Variants in MUC6 observed in about 807,000 individuals in gnomAD.
MUC6 encodes the protein mucin 6, oligomeric mucus/gel-forming (gene/pseudogene).
A neutral mutation model predicts 201.5 loss-of-function variants in MUC6; 188 were observed. The ratio of observed to expected loss-of-function variants is 0.93; its 90% CI spans 0.83 to 1.05. The LOEUF is 1.05. Among genes scored for constraint, MUC6 ranks in the 50% least tolerant of loss-of-function variants. The pLI, the probability that MUC6 is intolerant of heterozygous loss-of-function variation, is 0.00. For synonymous variants in MUC6, 1,228 were observed against 1,389.4 expected (o/e 0.88, Z 2.58); for missense variants, 2,706 against 3,256.9 (o/e 0.83, Z 4.12).
chr11:1,034,248 G>A (rs1271142900), intron 1 of MUC6, among the ~76,000 whole-genome samples: 1 of 152,204 alleles, frequency 6.6e-6, no homozygotes, highest in Non-Finnish European at 1.5e-5. Context: ...GGCTATGTGG[G>A]ACACATATTT....
At chr11:1,030,802 A>C (rs1447018873) in intron 6 of MUC6, 22 bp from the exon 7 acceptor site, 5 of 1,533,570 alleles carry the variant, frequency 3.3e-6, no homozygotes, top group Non-Finnish European at 3.5e-6. Context: ...ACTCAGGGTC[A>C]TGGGGGCAAA....
Position 1,033,334 on chromosome 11 carries a change from C to G in MUC6, c.53-259G>C. On this transcript the variant is annotated intron_variant, in intron 1 of 32. Transcript: ENST00000421673. This position sits in a 1 kb window ranked among gnomAD's most constrained non-coding sequence, Gnocchi z 5.6. The stretch of plus-strand genomic sequence containing the variant: ...ACTCAGTCCCAGTTCAGCCGTCAGC[C>G]CCTCGGGGTTCGGCAGATGGCGGGC... 1.8e-6 allele frequency: 1 copy of G among 549,616 alleles called. No homozygotes were observed. The highest frequency in any genetic ancestry group is 3.3e-6 in the Non-Finnish European group (1 of 304,382). 34.0% of individuals were successfully genotyped at this position (549,616 alleles called of 1,614,324 possible).
rs372408870 is a variant in MUC6, at chr11:1,031,841, C to T, written c.328G>A (p.Glu110Lys). ...ELGASVVTVSEAIISVKDIGV... is the reference protein window; with the variant it reads ...ELGASVVTVSKAIISVKDIGV... Reference sequence around the variant, plus strand: ...ATGTCCTTGACTGAGATGATGGCTTCGCTCACAGTGACGACGGAGGCCCCC... The same window carrying T: ...ATGTCCTTGACTGAGATGATGGCTTTGCTCACAGTGACGACGGAGGCCCCC... The change falls in exon 3 of 33, where the codon GAA becomes AAA. Residue 110 changes from glutamate to lysine, a missense_variant. Transcript: ENST00000421673. 52 of 1,611,066 alleles carry T rather than the reference C, an allele frequency of 3.2e-5. No homozygotes were observed. Among genetic ancestry groups the T allele is most frequent in the African/African-American group, 1.9e-4 (14 of 74,882 alleles).
rs77555114 is a variant in MUC6 at position 1,018,032 on chromosome 11, G to A, written c.4769C>T (p.Pro1590Leu). ...TGSSPFSSTG[P>L]MTATSFKTTT... The stretch of plus-strand genomic sequence containing the variant: ...GGTCTTGAAGGATGTTGCCGTCATG[G>A]GACCTGTGGAAGAGAAGGGACTGCT... Residue 1590 changes from proline (P) to leucine (L), a missense_variant, in exon 31 of 33, where the codon CCC becomes CTC. This residue lies in a region of MUC6 where 32 missense variants were observed against 181.6 expected (regional missense o/e 0.18). Coordinates refer to ENST00000421673, the MANE Select transcript of MUC6 (RefSeq NM_005961.3). The A allele has an allele frequency of 1.2e-4, 189 of 1,581,322 alleles. No individual in the cohort carries two copies. In the African/African-American group the frequency reaches 2.7e-3, roughly 22 times the overall value.
intron 22 of MUC6, 78 bp from the exon 23 acceptor site, chr11:1,025,445 A>G (rs1051726946): frequency 7.2e-6 from 11 of 1,517,386 alleles, no homozygotes; most frequent in Admixed American, 1.8e-5. Flanking sequence ...CCGAGCTCTC[A>G]GAGACAGAGC....
chr11:1,036,679 C>A lies in MUC6; in HGVS notation c.-24G>T, dbSNP rs975459858. The A allele has an allele frequency of 6.5e-7, 1 of 1,543,914 alleles. No homozygotes were observed. Among genetic ancestry groups the A allele is most frequent in the Non-Finnish European group, 8.7e-7 (1 of 1,145,858 alleles). On this transcript the variant is annotated 5_prime_UTR_variant, in exon 1 of 33. Coordinates refer to ENST00000421673, the MANE Select transcript of MUC6 (RefSeq NM_005961.3). ...ATGGTGCACAGTGGAGAGGAGCTCG[C>A]GCTGGGCCCGGCAGGCCTGCTGCTG...
intron 31 of MUC6, among the ~76,000 whole-genome samples, chr11:1,015,210 A>G (rs899991943): frequency 3.5e-4 from 3 of 8,652 alleles, no homozygotes; most frequent in African/African-American, 1.8e-3. Flanking sequence ...GCTCACAGGC[A>G]TGGGCCGGGA....
At chr11:1,019,842 A>C in intron 29 of MUC6, 1 of 666,230 alleles carries the variant, frequency 1.5e-6, no homozygotes, top group Non-Finnish European at 2.6e-6. Context: ...GAGGCCCTGC[A>C]GGTCCCACAC....
In MUC6 at chr11:1,020,154, GC is replaced by G; in HGVS notation, c.3743del (p.Ser1248ThrfsTer45). ...PSPSSNHTPA[S>X]PTQTPLLPAT... is the part of the protein sequence containing the mutation. Reference sequence around the variant, plus strand: ...CTGGAAGGAGGGGTGTCTGGGTGGGGCTGGCAGGGGTGTGATTAGAGCTGGG... The same window carrying G: ...CTGGAAGGAGGGGTGTCTGGGTGGGGTGGCAGGGGTGTGATTAGAGCTGGG... On this transcript the variant is annotated frameshift_variant, in exon 29 of 33. Coordinates refer to ENST00000421673, the MANE Select transcript of MUC6 (RefSeq NM_005961.3). LOFTEE classifies it high-confidence loss of function. The G allele has an allele frequency of 1.9e-6, 3 of 1,613,212 alleles. No individual in the cohort carries two copies. Among genetic ancestry groups the G allele is most frequent in the Non-Finnish European group, 2.5e-6 (3 of 1,179,850 alleles).
At position 1,018,771 on chromosome 11, in the gene MUC6, C is replaced by A; in HGVS notation, c.4031-1G>T. Reference sequence around the variant, plus strand: ...GGCAGTTCCTGATTGGTCGATTTTGCTGTGGGAATTGGTGAAGTTGTCATC... The same window carrying A: ...GGCAGTTCCTGATTGGTCGATTTTGATGTGGGAATTGGTGAAGTTGTCATC... On this transcript the variant is annotated splice_acceptor_variant, in intron 30 of 32. Coordinates refer to ENST00000421673, the MANE Select transcript of MUC6 (RefSeq NM_005961.3). LOFTEE classifies it high-confidence loss of function. The A allele has an allele frequency of 6.4e-7, 1 of 1,556,508 alleles. No homozygotes were observed. The highest frequency in any genetic ancestry group is 1.2e-5 in the South Asian group (1 of 82,338).
Position 1,019,461 on chromosome 11 carries a change from C to T in MUC6, c.3844G>A (p.Ala1282Thr). 1.2e-6 allele frequency: 2 copies of T among 1,613,296 alleles called. No homozygotes were observed. Among genetic ancestry groups the T allele is most frequent in the Non-Finnish European group, 1.7e-6 (2 of 1,179,700 alleles). The change falls in exon 30 of 33, where the codon GCC (alanine) becomes ACC (threonine). Residue 1282 changes from alanine to threonine, a missense_variant. Transcript: ENST00000421673. ...PRPTTAVTPQ[A>T]TSGLPPTATL... ...GCTGTGGGAGGCAGCCCTGATGTGG[C>T]TTGTGGGGTGACGGCCGTGGTTGGT...
At chr11:1,025,488 G>A (rs1460340501) in intron 22 of MUC6, 121 bp from the exon 23 acceptor site, 8 of 1,217,068 alleles carry the variant, frequency 6.6e-6, no homozygotes, top group African/African-American at 1.5e-5. Flanking sequence ...GCACAGGAGC[G>A]CCTGCTGAGA....
chr11:1,029,391 G>T, intron 9 of MUC6, 25 bp from the exon 10 acceptor site: 1 of 1,592,956 alleles, frequency 6.3e-7, no homozygotes, highest in Non-Finnish European at 8.5e-7. Flanking sequence ...GGGGGTAGCG[G>T]CATGGTGGGC....
rs116256283 is a variant in MUC6 at position 1,028,379 on chromosome 11, C to T, written c.1600G>A (p.Gly534Ser). Residue 534 changes from glycine to serine, a missense_variant, in exon 14 of 33, where the codon GGC (glycine) becomes AGC (serine). By Grantham distance (56) the Gly-to-Ser change is moderately conservative (BLOSUM62 0). This residue lies in a region of MUC6 where 1,850 missense variants were observed against 1,958.3 expected (regional missense o/e 0.94). Coordinates refer to ENST00000421673, the MANE Select transcript of MUC6 (RefSeq NM_005961.3). ...TCCGTTGTGTCCCCGTTGAAGTTGC[C>T]GCAGAGCCCTGAGCCGGCGGGGCGT... ...QFRGQTRGLC[G>S]NFNGDTTDDF... 17,113 of 1,612,164 alleles carry T rather than the reference C, an allele frequency of 0.011. 129 individuals are homozygous for T. Among genetic ancestry groups the T allele is most frequent in the Middle Eastern group, 0.025 (149 of 6,062 alleles).
chr11:1,027,242 C>A (rs749391627), intron 17 of MUC6, 26 bp downstream of exon 17: 2 of 1,611,996 alleles, frequency 1.2e-6, no homozygotes, highest in South Asian at 1.1e-5. Flanking sequence ...AGGGACCCCC[C>A]GCCTGGCCCC....
Position 1,031,075 on chromosome 11 carries a change from G to T in MUC6, c.575-19C>A, listed in dbSNP as rs746599809. The T allele has an allele frequency of 3.9e-6, 6 of 1,553,074 alleles. No individual in the cohort carries two copies. Among genetic ancestry groups the T allele is most frequent in the Non-Finnish European group, 5.2e-6 (6 of 1,148,608 alleles). On this transcript the variant is annotated intron_variant, in intron 5 of 32. Transcript: ENST00000421673. The stretch of plus-strand genomic sequence containing the variant: ...AACTTGCCTGGGGTGCAGAATGGGG[G>T]TCAGCACCGTGGGGGCTGGGCCTCA...
chr11:1,035,341 G>C (rs1407078862), intron 1 of MUC6, among the ~76,000 whole-genome samples: 1 of 152,206 alleles, frequency 6.6e-6, no homozygotes. Context: ...AGGGACTAGG[G>C]GTCGCACTCT....
At position 1,019,337 on chromosome 11, in the gene MUC6, G is replaced by T. The variant is rs761864091; in HGVS notation, c.3968C>A (p.Ser1323Tyr). The change falls in exon 30 of 33, where the codon TCC becomes TAC. Residue 1323 changes from serine to tyrosine, a missense_variant. Transcript: ENST00000421673. ...ASPATTSTAQ[S>Y]TTRTTMTLPT... ...TAGTGTCATTGTGGTCCGTGTTGTG[G>T]ACTGAGCTGTGGACGTCGTGGCTGG... 13 of 1,613,920 alleles carry T rather than the reference G, an allele frequency of 8.1e-6. No homozygotes were observed. In the Admixed American group the frequency reaches 2.2e-4, roughly 27 times the overall value.
intron 19 of MUC6, 50 bp from the exon 20 acceptor site, chr11:1,026,528 G>A: frequency 6.6e-7 from 1 of 1,506,134 alleles, no homozygotes. Context: ...TCAGCCAGCT[G>A]CTGCCCAGCC....
Sources: gnomAD v4.1 joint callset for allele counts (sites outside exome capture counted in the v4.1 genomes callset) on GRCh38, gnomAD v4.1.1 for gene constraint, gnomAD v4.1.1 regional missense constraint, Gnocchi (gnomAD v3.1) non-coding constraint, MANE v1.5 for transcripts, NCBI Gene and HGNC (gene_info 2026-07-23, HGNC 2026-07-21) for gene names.